Variants in CFAP69 observed in about 807,000 individuals in gnomAD.
CFAP69 encodes the protein cilia and flagella associated protein 69.
A neutral mutation model predicts 123.0 loss-of-function variants in CFAP69; 92 were observed. The observed-to-expected ratio is 0.75, with a 90% CI of 0.63 to 0.89. The LOEUF is 0.89. Among genes scored for constraint, CFAP69 ranks in the 40% least tolerant of loss-of-function variants. CFAP69 has a pLI of 0.00. For synonymous variants in CFAP69, 380 were observed against 364.3 expected (o/e 1.04, Z -0.49); for missense variants, 1,067 against 1,096.9 (o/e 0.97, Z 0.39).
chr7:90,246,816 AT>A (rs11368221), intron 1 of CFAP69, among the ~76,000 whole-genome samples: 17,178 of 144,116 alleles, frequency 0.12, 2,462 homozygotes, highest in East Asian at 0.62. Context: ...GCAAGCGTGG[AT>A]TTTTTTTTTT....
At chr7:90,258,072 G>T in intron 2 of CFAP69, 26 bp from the exon 3 acceptor site, 1 of 1,566,108 alleles carries the variant, frequency 6.4e-7, no homozygotes, top group Non-Finnish European at 8.7e-7. Context: ...AAGCACAAAA[G>T]AACTAAAATA....
chr7:90,280,514 A>G (rs1789320476), intron 12 of CFAP69, among the ~76,000 whole-genome samples: 1 of 152,254 alleles, frequency 6.6e-6, no homozygotes, highest in African/African-American at 2.4e-5. Context: ...CCAGTCTGGC[A>G]GTATTATAAT....
chr7:90,286,340 A>G lies in CFAP69; in HGVS notation c.1597A>G (p.Ile533Val), dbSNP rs925357524. ...NEKEEAIVLE[I>V]QSDILLILSG... Reference sequence around the variant, plus strand: ...AAAGGAAGAAGCCATTGTTTTGGAAATCCAGTCTGATATATTACTTATCCT... The same window carrying G: ...AAAGGAAGAAGCCATTGTTTTGGAAGTCCAGTCTGATATATTACTTATCCT... The change falls in exon 14 of 23, where the codon ATC becomes GTC. Residue 533 changes from isoleucine (I) to valine (V), a missense_variant. Transcript: ENST00000389297. 1.2e-6 allele frequency: 2 copies of G among 1,611,048 alleles called. No individual in the cohort carries two copies. Among genetic ancestry groups the G allele is most frequent in the African/African-American group, 1.3e-5 (1 of 74,834 alleles).
intron 12 of CFAP69, among the ~76,000 whole-genome samples, chr7:90,281,850 G>A (rs936642557): frequency 6.6e-6 from 1 of 152,002 alleles, no homozygotes; most frequent in Non-Finnish European, 1.5e-5. Flanking sequence ...TTACCCCTGT[G>A]ACTGATAATA....
In CFAP69 at chr7:90,310,290, A is replaced by C; in HGVS notation, c.*52A>C. ...AGTCAGCTTATAATTTTTTAGCTGA[A>C]TATATCTTTATACATATGTAAAGCC... On this transcript the variant is annotated 3_prime_UTR_variant, in exon 23 of 23. Coordinates refer to ENST00000389297, the MANE Select transcript of CFAP69 (RefSeq NM_001039706.3). 2 of 1,288,122 alleles carry C rather than the reference A, an allele frequency of 1.6e-6. No homozygotes were observed. The highest frequency in any genetic ancestry group is 2.1e-6 in the Non-Finnish European group (2 of 937,868). The allele number at this position is 1,288,122 out of a possible 1,614,324, so 79.8% of individuals were successfully genotyped here.
At chr7:90,315,933 A>C (rs1443145202), downstream of CFAP69, among the ~76,000 whole-genome samples, 1 of 152,062 alleles carries the variant, frequency 6.6e-6, no homozygotes, top group Non-Finnish European at 1.5e-5. Context: ...TCTCTACTAA[A>C]ACTACAAAAA....
chr7:90,321,947 G>C, the CFAP69 span, among the ~76,000 whole-genome samples: 1 of 152,180 alleles, frequency 6.6e-6, no homozygotes, highest in African/African-American at 2.4e-5. Context: ...GCGATGATCA[G>C]ATGGGGCTAG....
chr7:90,265,413 CAT>C (rs1297402131), intron 5 of CFAP69, 36 bp downstream of exon 5: 1 of 1,373,772 alleles, frequency 7.3e-7, no homozygotes, highest in Non-Finnish European at 1.0e-6. Context: ...AGGGATGTAA[CAT>C]ACGACAGGTC....
At chr7:90,278,456 C>T (rs1435471248) in intron 11 of CFAP69, among the ~76,000 whole-genome samples, 1 of 151,928 alleles carries the variant, frequency 6.6e-6, no homozygotes, top group Non-Finnish European at 1.5e-5. Flanking sequence ...CTGTGTAGAA[C>T]CTAAATGTAT....
chr7:90,308,846 A>C (rs1244410899), intron 21 of CFAP69, among the ~76,000 whole-genome samples: 1 of 152,202 alleles, frequency 6.6e-6, no homozygotes, highest in East Asian at 1.9e-4. Context: ...TACATAATTT[A>C]TATTATTCTG....
Position 90,299,907 on chromosome 7 carries a change from T to G in CFAP69, c.1898T>G (p.Met633Arg), listed in dbSNP as rs763336797. ...KKFCNLILGIMVEFCDNPKTA... is the reference protein window; with the variant it reads ...KKFCNLILGIRVEFCDNPKTA... ...TTCTGTAATCTAATACTTGGAATAA[T>G]GGTTGAATTTTGTGATAATCCCAAA... The change falls in exon 17 of 23, where the codon ATG becomes AGG. Residue 633 changes from methionine (M) to arginine (R), a missense_variant. Physicochemically the swap from Met to Arg is moderately conservative, Grantham distance 91. Transcript: ENST00000389297. The G allele has an allele frequency of 9.3e-6, 15 of 1,609,922 alleles. No individual in the cohort carries two copies. Among genetic ancestry groups the G allele is most frequent in the Non-Finnish European group, 1.3e-5 (15 of 1,178,156 alleles).
chr7:90,303,297 G>T (rs1483504738), intron 17 of CFAP69: 2 of 151,470 alleles, frequency 1.3e-5, no homozygotes, highest in African/African-American at 4.9e-5. Flanking sequence ...TTCCTGTTTG[G>T]ATGCTTTTTT....
At chr7:90,314,635 A>G (rs1320388385), downstream of CFAP69, among the ~76,000 whole-genome samples, 2 of 152,028 alleles carry the variant, frequency 1.3e-5, no homozygotes, top group Non-Finnish European at 2.9e-5. Flanking sequence ...AGAAAAAAAA[A>G]TGATGAGAGG....
chr7:90,297,100 G>A (rs1223120707), intron 15 of CFAP69, among the ~76,000 whole-genome samples: 2 of 152,150 alleles, frequency 1.3e-5, no homozygotes, highest in Non-Finnish European at 2.9e-5. Context: ...TATATTTTGG[G>A]GTAAAATACT....
Position 90,245,275 on chromosome 7 carries a change from G to A in CFAP69, c.-150G>A. 1 of 1,088,044 alleles carries A rather than the reference G, an allele frequency of 9.2e-7. No individual in the cohort carries two copies. The highest frequency in any genetic ancestry group is 1.7e-5 in the African/African-American group (1 of 59,958). 67.4% of individuals were successfully genotyped at this position (1,088,044 alleles called of 1,614,324 possible). On this transcript the variant is annotated 5_prime_UTR_variant, in exon 1 of 23. Coordinates refer to ENST00000389297, the MANE Select transcript of CFAP69 (RefSeq NM_001039706.3). ...AGCGGACTGTATGGCGGTGGCCTAG[G>A]CCCCTGGCGGAATTTTGGGACCTTT...
At position 90,281,304 on chromosome 7, in the gene CFAP69, T is replaced by C. The variant is rs553320253; in HGVS notation, c.1372+1411T>C. ...CAATACTCAGAACAGTATTTTCAAC[T>C]TTTTTTTTTTTTAGCTAGAAACATA... On this transcript the variant is annotated intron_variant, in intron 12 of 22. Transcript: ENST00000389297. Among the ~76,000 whole-genome samples, 55 of 142,896 alleles carry C rather than the reference T, an allele frequency of 3.8e-4. No homozygotes were observed. The South Asian group carries it at 0.011, about 30-fold the overall frequency. 93.7% of individuals were successfully genotyped at this position (142,896 alleles called of 152,430 possible). A position where few individuals can be genotyped will look rare whatever the true frequency, so the allele number is the denominator to read the frequency against.
chr7:90,261,420 T>C (rs903774059), intron 3 of CFAP69, among the ~76,000 whole-genome samples: 3 of 152,226 alleles, frequency 2.0e-5, no homozygotes, highest in Non-Finnish European at 2.9e-5. Flanking sequence ...AGAAAGTCCA[T>C]ATTTTGCTTT....
At position 90,288,327 on chromosome 7, in the gene CFAP69, C is replaced by G; in HGVS notation, c.1750C>G (p.Leu584Val). ...LQSGLGYNVL[L>V]FSTLDSIWCC... Reference sequence around the variant, plus strand: ...GAGTGGCTTAGGCTATAATGTACTTCTTTTTAGTACATTGGACAGCATTTG... The same window carrying G: ...GAGTGGCTTAGGCTATAATGTACTTGTTTTTAGTACATTGGACAGCATTTG... Residue 584 changes from leucine (L) to valine (V), a missense_variant, in exon 15 of 23, where the codon CTT (leucine) becomes GTT (valine). Transcript: ENST00000389297. 1 of 1,610,756 alleles carries G rather than the reference C, an allele frequency of 6.2e-7. No individual in the cohort carries two copies. Among genetic ancestry groups the G allele is most frequent in the Non-Finnish European group, 8.5e-7 (1 of 1,177,798 alleles).
chr7:90,290,159 A>G (rs1314028393), intron 15 of CFAP69, among the ~76,000 whole-genome samples: 1 of 152,174 alleles, frequency 6.6e-6, no homozygotes, highest in Admixed American at 6.6e-5. Context: ...AAAAACATAG[A>G]GAAAGAGAGA....
Sources: allele counts gnomAD v4.1 joint callset (sites outside exome capture counted in the v4.1 genomes callset), GRCh38; gene constraint gnomAD v4.1.1; transcripts MANE v1.5; gene names NCBI Gene and HGNC (gene_info 2026-07-23, HGNC 2026-07-21).